Variants in CNBD2 observed in about 807,000 individuals in gnomAD.
CNBD2 encodes the protein cyclic nucleotide-binding domain-containing protein 2.
A neutral mutation model predicts 63.7 loss-of-function variants in CNBD2; 64 were observed. The ratio of observed to expected loss-of-function variants is 1.00; its 90% CI spans 0.82 to 1.24. CNBD2 has a LOEUF of 1.24. CNBD2 is among the 50% of genes most tolerant of loss of function. The pLI, the probability that CNBD2 is intolerant of heterozygous loss-of-function variation, is 0.00. For missense variants in CNBD2, 691 were observed against 713.5 expected, an observed-to-expected ratio of 0.97 and a Z score of 0.36; for synonymous variants, 229 against 255.4, an observed-to-expected ratio of 0.90 and a Z score of 0.99.
At chr20:35,954,672 G>C, upstream of CNBD2, 1 of 1,192,914 alleles carries the variant, frequency 8.4e-7, no homozygotes, top group Non-Finnish European at 1.1e-6. Context: ...GCCAGTTCGA[G>C]GAGGAGTCGG....
At chr20:35,977,679 C>T (rs1461858345) in intron 3 of CNBD2, among the ~76,000 whole-genome samples, 2 of 152,012 alleles carry the variant, frequency 1.3e-5, no homozygotes, top group Non-Finnish European at 2.9e-5. Context: ...CCCTGTCCCC[C>T]TGCCCCCAAC....
intron 3 of CNBD2, 75 bp downstream of exon 3, chr20:35,976,077 A>G: frequency 7.4e-7 from 1 of 1,354,704 alleles, no homozygotes; most frequent in Non-Finnish European, 1.1e-6. Context: ...CTGGCTGGGT[A>G]TCAGCAGAGC....
chr20:36,011,086 A>T, intron 9 of CNBD2, 51 bp from the exon 10 acceptor site: 1 of 1,421,612 alleles, frequency 7.0e-7, no homozygotes, highest in Non-Finnish European at 9.3e-7. Context: ...CCAGGGCCTC[A>T]GGAGCAGACT....
intron 9 of CNBD2, among the ~76,000 whole-genome samples, chr20:36,010,596 C>G (rs1601086861): frequency 6.6e-6 from 1 of 151,994 alleles, no homozygotes; most frequent in African/African-American, 2.4e-5. Flanking sequence ...CATTGTGAAA[C>G]CCTGTCTCTG....
downstream of CNBD2, among the ~76,000 whole-genome samples, chr20:35,957,255 T>TA (rs778988757): frequency 2.4e-4 from 37 of 151,936 alleles, no homozygotes; most frequent in Non-Finnish European, 3.8e-4. Flanking sequence ...GATTCAGCAG[T>TA]AAAAAAATAA....
At chr20:36,021,950 T>G (rs8123175) in intron 10 of CNBD2, among the ~76,000 whole-genome samples, 48,207 of 151,452 alleles carry the variant, frequency 0.32, 10,534 homozygotes, top group African/African-American at 0.62. Flanking sequence ...TGCAGGAAAG[T>G]GTGGGGTGGG....
intron 6 of CNBD2, 127 bp downstream of exon 6, chr20:35,984,905 C>A: frequency 1.1e-6 from 1 of 873,228 alleles, no homozygotes; most frequent in Non-Finnish European, 1.8e-6. Context: ...CTCTGAAGTC[C>A]CACCTCGTAC....
At chr20:35,959,874 A>T, downstream of CNBD2, among the ~76,000 whole-genome samples, 1 of 152,374 alleles carries the variant, frequency 6.6e-6, no homozygotes, top group East Asian at 1.9e-4. Flanking sequence ...GGATGTGATC[A>T]GATTTGTGTT....
At chr20:35,978,641 GC>G (rs776522228) in intron 3 of CNBD2, among the ~76,000 whole-genome samples, 2 of 152,158 alleles carry the variant, frequency 1.3e-5, no homozygotes, top group Admixed American at 6.5e-5. Context: ...ACCGTGCCCG[GC>G]CCAATGCCCA....
intron 1 of CNBD2, among the ~76,000 whole-genome samples, chr20:35,972,183 G>T (rs1186702271): frequency 1.3e-5 from 2 of 152,076 alleles, no homozygotes; most frequent in Non-Finnish European, 1.5e-5. Flanking sequence ...TGGCTTGTGG[G>T]CCCTTCCTTC....
chr20:35,983,225 CCCAAAGTGCTGGGATTA>C (rs1466851581), intron 4 of CNBD2, among the ~76,000 whole-genome samples: 3 of 129,296 alleles, frequency 2.3e-5, no homozygotes, highest in African/African-American at 8.7e-5. Flanking sequence ...ACCTTGGCCT[CCCAAAGTGCTGGGATTA>C]ACAGGCGTGT....
intron 11 of CNBD2, among the ~76,000 whole-genome samples, chr20:36,025,493 C>A (rs2057272437): frequency 6.6e-6 from 1 of 152,130 alleles, no homozygotes. Context: ...CACTACAATG[C>A]TCAGCTAATT....
Position 35,976,016 on chromosome 20 carries a change from G to A in CNBD2, c.243+14G>A, listed in dbSNP as rs765809329. On this transcript the variant is annotated intron_variant, in intron 3 of 11. Transcript: ENST00000373973. ...ATTGCAGAGGAGGTATGCATAGCTC[G>A]AAACTTGCTGTGGGGGAATTTTCTT... 21 of 1,600,186 alleles carry A rather than the reference G, an allele frequency of 1.3e-5. No homozygotes were observed. The South Asian group carries it at 1.7e-4, about 13-fold the overall frequency.
intron 2 of CNBD2, chr20:35,973,014 G>A: frequency 1.9e-6 from 1 of 518,620 alleles, no homozygotes; most frequent in Admixed American, 3.6e-5. Flanking sequence ...AGGCAACGCT[G>A]GACCAAGGCA....
rs1200250178 is a variant in CNBD2 at position 36,008,329 on chromosome 20, C to T, written c.1003C>T (p.Gln335Ter). 5 of 1,612,378 alleles carry T rather than the reference C, an allele frequency of 3.1e-6. No homozygotes were observed. The highest frequency in any genetic ancestry group is 4.2e-6 in the Non-Finnish European group (5 of 1,179,582). The change falls in exon 9 of 12, where the codon CAG becomes TAG. Residue 335 changes from glutamine to a stop codon, truncating the protein, a stop_gained. Coordinates refer to ENST00000373973, the MANE Select transcript of CNBD2 (RefSeq NM_001365709.1). LOFTEE classifies it high-confidence loss of function. ...YSPMERFKEF[Q>*]IKSYPLQDFS... is the part of the protein sequence containing the mutation. ...TCCTATGGAAAGATTTAAGGAATTC[C>T]AGATCAAATCATATCCTCTGCAAGA...
chr20:35,968,694 G>GTATTACT lies in CNBD2; in HGVS notation c.-69_-68insTATTACT, dbSNP rs1334664279. 1.6e-6 allele frequency: 2 copies of GTATTACT among 1,280,772 alleles called. No homozygotes were observed. Among genetic ancestry groups the GTATTACT allele is most frequent in the African/African-American group, 2.9e-5 (2 of 68,498 alleles). The allele number at this position is 1,280,772 out of a possible 1,614,324, so 79.3% of individuals were successfully genotyped here. A position where few individuals can be genotyped will look rare whatever the true frequency, so the allele number is the denominator to read the frequency against. ...TGTTTCTAGTATTACTGGATTTTTG[G>GTATTACT]GGAAAAATTTGTAGTCCTCCCCTTG... On this transcript the variant is annotated 5_prime_UTR_variant, in exon 1 of 12. The change creates a premature stop within an existing upstream ORF in the 5' untranslated region. Transcript: ENST00000373973.
Position 35,980,539 on chromosome 20 carries a change from TA to T in CNBD2, c.326del (p.Asn109ThrfsTer34), listed in dbSNP as rs2056583089. ...RTEDEIQAVC[N>X]ILQVLDSYRN... is the part of the protein sequence containing the mutation. ...CAGAGGATGAGATCCAGGCCGTCTGTAACATCTTGCAGGTTCTGGATAGCTA... is the reference window on the plus strand; with the variant it reads ...CAGAGGATGAGATCCAGGCCGTCTGTACATCTTGCAGGTTCTGGATAGCTA... On this transcript the variant is annotated frameshift_variant, in exon 4 of 12. Coordinates refer to ENST00000373973, the MANE Select transcript of CNBD2 (RefSeq NM_001365709.1). LOFTEE classifies it high-confidence loss of function. 6.2e-7 allele frequency: 1 copy of T among 1,614,076 alleles called. No individual in the cohort carries two copies. Among genetic ancestry groups the T allele is most frequent in the African/African-American group, 1.3e-5 (1 of 74,936 alleles).
chr20:36,008,231 A>G (rs1268347246), intron 8 of CNBD2, 66 bp from the exon 9 acceptor site: 2 of 1,339,852 alleles, frequency 1.5e-6, no homozygotes, highest in Admixed American at 2.2e-5. Context: ...AGCTTCAACT[A>G]CTACCACCAT....
chr20:36,023,871 C>T, intron 11 of CNBD2, 100 bp downstream of exon 11: 1 of 1,064,216 alleles, frequency 9.4e-7, no homozygotes, highest in Non-Finnish European at 1.3e-6. Flanking sequence ...CTGTTGCTGA[C>T]AAGGGTGAAA....
Sources: allele counts gnomAD v4.1 joint callset (sites outside exome capture counted in the v4.1 genomes callset), GRCh38; gene constraint gnomAD v4.1.1; transcripts MANE v1.5; gene names NCBI Gene and HGNC (gene_info 2026-07-23, HGNC 2026-07-21).